The following SKI variants were observed in gnomAD, a reference collection of about 807,000 sequenced individuals.
The protein encoded by SKI is ski oncogene.
A neutral mutation model predicts 59.3 loss-of-function variants in SKI; 23 were observed. That is an observed-to-expected ratio of 0.39 (90% CI 0.28 to 0.55). The LOEUF (loss-of-function observed/expected upper bound fraction) is 0.55, where lower values mean the gene tolerates loss of function less well. Ranked by LOEUF, SKI falls within the 20% of genes least tolerant of loss-of-function variation. The probability of loss-of-function intolerance (pLI) is 0.67; values close to 1 mark genes in which losing one functional copy is unlikely to be tolerated. For missense variants in SKI, 1,017 were observed against 1,038.9 expected, an observed-to-expected ratio of 0.98 and a Z score of 0.29; for synonymous variants, 673 against 488.6, an observed-to-expected ratio of 1.38 and a Z score of -4.98.
intron 1 of SKI, among the ~76,000 whole-genome samples, chr1:2,235,722 AC>A: frequency 6.6e-6 from 1 of 152,326 alleles, no homozygotes. Context: ...AAAATGAAGA[AC>A]CAGGACTTGA....
rs769432593 is a variant in SKI at position 2,303,450 on chromosome 1, G to A, written c.1211+50G>A. 103 of 1,519,128 alleles carry A rather than the reference G, an allele frequency of 6.8e-5. No homozygotes were observed. Among genetic ancestry groups the A allele is most frequent in the Middle Eastern group, 1.7e-4 (1 of 5,866 alleles). 94.1% of individuals were successfully genotyped at this position (1,519,128 alleles called of 1,614,324 possible). A position where few individuals can be genotyped will look rare whatever the true frequency, so the allele number is the denominator to read the frequency against. Reference sequence around the variant, plus strand: ...TTTCTGATCACGGGGGAGGCTCCACGAGGGCTGTGCATGCGGACGCGCCCA... The same window carrying A: ...TTTCTGATCACGGGGGAGGCTCCACAAGGGCTGTGCATGCGGACGCGCCCA... On this transcript the variant is annotated intron_variant, in intron 3 of 6. Coordinates refer to ENST00000378536, the MANE Select transcript of SKI (RefSeq NM_003036.4). This position sits in a 1 kb window ranked among gnomAD's most constrained non-coding sequence, Gnocchi z 5.6.
In SKI at chr1:2,307,768, A is replaced by G. The variant is rs552780450; in HGVS notation, c.*1003A>G. On this transcript the variant is annotated 3_prime_UTR_variant, in exon 7 of 7. Coordinates refer to ENST00000378536, the MANE Select transcript of SKI (RefSeq NM_003036.4). ...GTCCACAACCTTCCCTTCTCTTTCT[A>G]TTCCCCAGTGAACTGAGGTTTTTAC... The G allele has an allele frequency of 1.3e-5, 2 of 152,536 alleles. No homozygotes were observed. The highest frequency in any genetic ancestry group is 2.1e-4 in the South Asian group (1 of 4,822). 9.4% of individuals were successfully genotyped at this position (152,536 alleles called of 1,614,324 possible). A position where few individuals can be genotyped will look rare whatever the true frequency, so the allele number is the denominator to read the frequency against.
intron 1 of SKI, among the ~76,000 whole-genome samples, chr1:2,282,586 C>T (rs1476940636): frequency 6.6e-6 from 1 of 152,150 alleles, no homozygotes; most frequent in Non-Finnish European, 1.5e-5. Flanking sequence ...AGTATTTCGG[C>T]TTGTGTGGCA....
In SKI at chr1:2,288,583, G is replaced by T. The variant is rs568639364; in HGVS notation, c.970-14395G>T. Among the ~76,000 whole-genome samples the T allele has an allele frequency of 2.0e-5, 3 of 152,218 alleles. No individual in the cohort carries two copies. The East Asian group carries it at 5.8e-4, about 29-fold the overall frequency. On this transcript the variant is annotated intron_variant, in intron 1 of 6. Transcript: ENST00000378536. Reference sequence around the variant, plus strand: ...TGCGTGCACATTTGTTTGCATGCGCGTGAGACCCCCAGGTGGTTTTGCTCT... The same window carrying T: ...TGCGTGCACATTTGTTTGCATGCGCTTGAGACCCCCAGGTGGTTTTGCTCT...
At chr1:2,306,443 G>A (rs1640582771) in intron 6 of SKI, 134 bp from the exon 7 acceptor site, 2 of 1,044,292 alleles carry the variant, frequency 1.9e-6, no homozygotes, top group Non-Finnish European at 2.7e-6. Flanking sequence ...CTGTGTCCTA[G>A]CAGGTGGAGG....
At chr1:2,237,270 C>G (rs1466522936) in intron 1 of SKI, among the ~76,000 whole-genome samples, 1 of 152,202 alleles carries the variant, frequency 6.6e-6, no homozygotes, top group Non-Finnish European at 1.5e-5. Context: ...TCCAGCGGTG[C>G]TGGCGCTGCC....
intron 5 of SKI, 53 bp from the exon 6 acceptor site, chr1:2,305,967 G>A: frequency 7.5e-7 from 1 of 1,332,944 alleles, no homozygotes; most frequent in Non-Finnish European, 1.1e-6. Context: ...GTCATGGTGA[G>A]GGGTGTGCTG....
In SKI at chr1:2,269,626, C is replaced by G. The variant is rs146185730; in HGVS notation, c.970-33352C>G. Among the ~76,000 whole-genome samples, 8 of 152,384 alleles carry G rather than the reference C, an allele frequency of 5.2e-5. No homozygotes were observed. The East Asian group carries it at 1.5e-3, about 29-fold the overall frequency. On this transcript the variant is annotated intron_variant, in intron 1 of 6. Coordinates refer to ENST00000378536, the MANE Select transcript of SKI (RefSeq NM_003036.4). The surrounding 1 kb of genome is among the most constrained non-coding windows in gnomAD (Gnocchi z 4.7). The stretch of plus-strand genomic sequence containing the variant: ...GCAGAAGCCAACTTTGGAATCGCCT[C>G]ATGGCTGGCCCTGGACCTCTCCTCC...
chr1:2,300,438 C>G (rs1640396723), intron 1 of SKI, among the ~76,000 whole-genome samples: 1 of 151,718 alleles, frequency 6.6e-6, no homozygotes, highest in Non-Finnish European at 1.5e-5. Context: ...CTGCTCTTCC[C>G]AGAGTAAGAC....
chr1:2,293,684 C>T (rs1160231899), intron 1 of SKI, among the ~76,000 whole-genome samples: 1 of 152,218 alleles, frequency 6.6e-6, no homozygotes, highest in African/African-American at 2.4e-5. Flanking sequence ...TCCGCTGCCC[C>T]TGTTCTTGGG....
chr1:2,230,666 A>C (rs1638614604), intron 1 of SKI, among the ~76,000 whole-genome samples: 1 of 152,316 alleles, frequency 6.6e-6, no homozygotes, highest in African/African-American at 2.4e-5. Context: ...GAAATTACTC[A>C]GTGGGGTCCT....
intron 1 of SKI, among the ~76,000 whole-genome samples, chr1:2,275,186 G>T (rs927966240): frequency 6.6e-6 from 1 of 152,226 alleles, no homozygotes; most frequent in African/African-American, 2.4e-5. Context: ...AGATGTGTTC[G>T]CGGGGTCCTG....
rs1368490991 is a variant in SKI at position 2,303,293 on chromosome 1, C to T, written c.1104C>T (p.Gly368=). The T allele has an allele frequency of 1.2e-6, 2 of 1,613,540 alleles. No homozygotes were observed. The highest frequency in any genetic ancestry group is 1.7e-6 in the Non-Finnish European group (2 of 1,180,022). ...TLAGSSNKSL[G]CVHPRQRLSA... ...CAACTCTTTCTCGACAGAGCCTGGG[C>T]TGTGTTCACCCTCGCCAGCGCCTCT... The change falls in exon 3 of 7, where the codon GGC becomes GGT. Residue 368 remains glycine, a synonymous_variant. Coordinates refer to ENST00000378536, the MANE Select transcript of SKI (RefSeq NM_003036.4). This position sits in a 1 kb window ranked among gnomAD's most constrained non-coding sequence, Gnocchi z 5.6.
At chr1:2,253,961 T>C (rs12038607) in intron 1 of SKI, among the ~76,000 whole-genome samples, 11,771 of 152,286 alleles carry the variant, frequency 0.077, 951 homozygotes, top group East Asian at 0.44. Flanking sequence ...GAGAAGGCTC[T>C]GGGTCCTTCT....
At chr1:2,274,014 C>G (rs939178690) in intron 1 of SKI, among the ~76,000 whole-genome samples, 1 of 151,902 alleles carries the variant, frequency 6.6e-6, no homozygotes, top group Non-Finnish European at 1.5e-5. Context: ...TGCTGAGCGC[C>G]CATGCGTGTG....
In SKI at chr1:2,284,677, G is replaced by A. The variant is rs376272374; in HGVS notation, c.970-18301G>A. On this transcript the variant is annotated intron_variant, in intron 1 of 6. Coordinates refer to ENST00000378536, the MANE Select transcript of SKI (RefSeq NM_003036.4). ...GGGCCTCTTGCGGCGGCTCCCTCCC[G>A]CCCCACACCGGCCTATGAGCCCTCC... Among the ~76,000 whole-genome samples the A allele has an allele frequency of 3.1e-4, 47 of 152,252 alleles. 3 individuals are homozygous for A. Among genetic ancestry groups the A allele is most frequent in the South Asian group, 2.9e-3 (14 of 4,828 alleles).
rs983840868 is a variant in SKI, at chr1:2,269,425, C to T, written c.970-33553C>T. Among the ~76,000 whole-genome samples the T allele has an allele frequency of 6.6e-6, 1 of 152,238 alleles. No individual in the cohort carries two copies. The highest frequency in any genetic ancestry group is 1.5e-5 in the Non-Finnish European group (1 of 68,044). ...CCCACAGCGTCACTAGTAGGCCAAG[C>T]GGACACTGCGGGACACGTTCCCCAA... On this transcript the variant is annotated intron_variant, in intron 1 of 6. Coordinates refer to ENST00000378536, the MANE Select transcript of SKI (RefSeq NM_003036.4). This position sits in a 1 kb window ranked among gnomAD's most constrained non-coding sequence, Gnocchi z 4.7.
intron 1 of SKI, among the ~76,000 whole-genome samples, chr1:2,272,867 G>A (rs1194614319): frequency 2.6e-5 from 4 of 152,154 alleles, no homozygotes; most frequent in African/African-American, 7.2e-5. Context: ...GCCCTCCCAC[G>A]CCCCTCCTGC....
Position 2,307,515 on chromosome 1 carries a change from C to T in SKI, c.*750C>T, listed in dbSNP as rs1640625176. ...CCCCGTGATTCTGCCCACGCTCCTC[C>T]ACCACGAGGCACTGACCTGCGTCGG... On this transcript the variant is annotated 3_prime_UTR_variant, in exon 7 of 7. Transcript: ENST00000378536. 1 of 152,422 alleles carries T rather than the reference C, an allele frequency of 6.6e-6. No homozygotes were observed. Among genetic ancestry groups the T allele is most frequent in the Admixed American group, 6.5e-5 (1 of 15,290 alleles). The allele number at this position is 152,422 out of a possible 1,614,324, so 9.4% of individuals were successfully genotyped here. A position where few individuals can be genotyped will look rare whatever the true frequency, so the allele number is the denominator to read the frequency against.
Sources: allele counts gnomAD v4.1 joint callset (sites outside exome capture counted in the v4.1 genomes callset), GRCh38; gene constraint gnomAD v4.1.1; non-coding constraint Gnocchi (gnomAD v3.1); transcripts MANE v1.5; gene names NCBI Gene and HGNC (gene_info 2026-07-23, HGNC 2026-07-21).